CCDC92B: variants seen among roughly 807,000 people sequenced by gnomAD.
CCDC92B encodes the protein coiled-coil domain-containing 92B.
In CCDC92B, 2 loss-of-function variants were observed where a neutral mutation model predicts 5.6. The ratio of observed to expected loss-of-function variants is 0.36; its 90% CI spans 0.15 to 1.12. The LOEUF (loss-of-function observed/expected upper bound fraction) is 1.12. CCDC92B is among the 50% of genes most tolerant of loss of function. The pLI is 0.40. For synonymous variants in CCDC92B, 115 were observed against 122.3 expected (o/e 0.94, Z 0.39); for missense variants, 271 against 262.2 (o/e 1.03, Z -0.23).
At chr17:2,740,858 T>G (rs1357930060) in intron 1 of CCDC92B, among the ~76,000 whole-genome samples, 2 of 147,958 alleles carry the variant, frequency 1.4e-5, no homozygotes, top group African/African-American at 5.0e-5. Context: ...TCCCAGCTAC[T>G]GGGAGGCTGA....
At chr17:2,727,696 C>T (rs1484872133) in intron 3 of CCDC92B, among the ~76,000 whole-genome samples, 11 of 152,038 alleles carry the variant, frequency 7.2e-5, no homozygotes, top group South Asian at 2.1e-4. Context: ...TGGTGGTGTG[C>T]GCCTGTGATC....
intron 3 of CCDC92B, among the ~76,000 whole-genome samples, chr17:2,725,857 G>GTTAAGT (rs2070722439): frequency 1.3e-5 from 2 of 151,952 alleles, no homozygotes; most frequent in African/African-American, 2.4e-5. Context: ...GTGAAGACAG[G>GTTAAGT]AGAGAAGGAT....
intron 1 of CCDC92B, among the ~76,000 whole-genome samples, chr17:2,748,680 G>C (rs1191405644): frequency 1.3e-5 from 2 of 152,172 alleles, no homozygotes; most frequent in African/African-American, 4.8e-5. Flanking sequence ...GTCTTACTGG[G>C]AATCACCAGG....
chr17:2,730,957 G>A (rs2070788360), intron 2 of CCDC92B, among the ~76,000 whole-genome samples: 1 of 152,246 alleles, frequency 6.6e-6, no homozygotes, highest in Non-Finnish European at 1.5e-5. Flanking sequence ...CGGCACTGGA[G>A]GCAGGCTCGG....
At chr17:2,741,566 C>A (rs2070926708) in intron 1 of CCDC92B, among the ~76,000 whole-genome samples, 2 of 150,742 alleles carry the variant, frequency 1.3e-5, no homozygotes, top group South Asian at 4.2e-4. Flanking sequence ...GTAGTCCTAG[C>A]TACTTGGGAG....
chr17:2,723,875 C>T lies in CCDC92B; in HGVS notation c.*536G>A, dbSNP rs557612520. The T allele has an allele frequency of 8.1e-5, 69 of 855,662 alleles. No homozygotes were observed. In the East Asian group the frequency reaches 5.8e-3, roughly 72 times the overall value. The allele number at this position is 855,662 out of a possible 1,614,324, so 53.0% of individuals were successfully genotyped here. A position where few individuals can be genotyped will look rare whatever the true frequency, so the allele number is the denominator to read the frequency against. The stretch of plus-strand genomic sequence containing the variant: ...TCCGTGCTCACCTGCAAGGACCTAT[C>T]GGCAGGGTCAGGGTGGGGGTAGAAG... On this transcript the variant is annotated 3_prime_UTR_variant, in exon 4 of 4. Transcript: ENST00000614400.
chr17:2,726,172 A>G (rs1388050107), intron 3 of CCDC92B, among the ~76,000 whole-genome samples: 1 of 18,112 alleles, frequency 5.5e-5, no homozygotes, highest in Non-Finnish European at 3.9e-4. Context: ...ATTTTTGTAT[A>G]TATATATATA....
intron 1 of CCDC92B, among the ~76,000 whole-genome samples, chr17:2,743,510 A>G (rs1305955603): frequency 6.6e-6 from 1 of 152,168 alleles, no homozygotes; most frequent in Non-Finnish European, 1.5e-5. Flanking sequence ...GCTTTCCATC[A>G]CATTTAAAAC....
intron 3 of CCDC92B, among the ~76,000 whole-genome samples, chr17:2,728,589 C>T (rs1214810620): frequency 3.5e-5 from 5 of 144,638 alleles, no homozygotes; most frequent in South Asian, 2.2e-4. Flanking sequence ...GGCGACAGAG[C>T]GAGACTCCGT....
At chr17:2,730,351 C>T in intron 3 of CCDC92B, 95 bp downstream of exon 3, 1 of 675,650 alleles carries the variant, frequency 1.5e-6, no homozygotes, top group Non-Finnish European at 1.8e-6. Flanking sequence ...CAAGTCTAGG[C>T]TGGGGACAGA....
rs758421 is a variant in CCDC92B at position 2,723,598 on chromosome 17, A to C, written c.*813T>G. On this transcript the variant is annotated 3_prime_UTR_variant, in exon 4 of 4. Transcript: ENST00000614400. ...AAACGCCTGGGGCTGCCTCCTGAGA[A>C]GGAAGACAGCTCCTGCCTTCCAGAA... The C allele has an allele frequency of 0.92, 140,484 of 152,056 alleles. 65,919 individuals are homozygous for C. The highest frequency in any genetic ancestry group is 1 in the Non-Finnish European group (68,032 of 68,104). 9.4% of individuals were successfully genotyped at this position (152,056 alleles called of 1,614,324 possible). A position where few individuals can be genotyped will look rare whatever the true frequency, so the allele number is the denominator to read the frequency against.
intron 1 of CCDC92B, among the ~76,000 whole-genome samples, chr17:2,741,543 G>T (rs2070926383): frequency 6.6e-6 from 1 of 151,370 alleles, no homozygotes. Flanking sequence ...CCCAGGCGTT[G>T]AGGTGTCCAC....
intron 3 of CCDC92B, among the ~76,000 whole-genome samples, chr17:2,728,097 G>T (rs1159337929): frequency 6.6e-6 from 1 of 152,050 alleles, no homozygotes; most frequent in Non-Finnish European, 1.5e-5. Context: ...AGGCTGAGGG[G>T]GGCAAATTGC....
intron 1 of CCDC92B, among the ~76,000 whole-genome samples, chr17:2,739,087 G>A (rs2070891213): frequency 6.7e-6 from 1 of 150,068 alleles, no homozygotes; most frequent in South Asian, 2.1e-4. Flanking sequence ...AAATAAATAG[G>A]GCGGGCGCAA....
In CCDC92B at chr17:2,724,580, G is replaced by A; in HGVS notation, c.599C>T (p.Ala200Val). ...DWAAWDRGAG[A>V]LDDADPMPDP... ...GGGCATGGGGTCGGCGTCGTCGAGG[G>A]CGCCGGCCCCGCGGTCCCAGGCGGC... The change falls in exon 4 of 4, where the codon GCC (alanine) becomes GTC (valine). Residue 200 changes from alanine (A) to valine (V), a missense_variant. Physicochemically the swap from Ala to Val is moderately conservative, Grantham distance 64 (BLOSUM62 0). Coordinates refer to ENST00000614400, the MANE Select transcript of CCDC92B (RefSeq NM_001355573.2). The surrounding 1 kb of genome is among the most constrained non-coding windows in gnomAD (Gnocchi z 5.0). The A allele has an allele frequency of 1.0e-6, 1 of 981,936 alleles. No individual in the cohort carries two copies. Among genetic ancestry groups the A allele is most frequent in the Non-Finnish European group, 1.2e-6 (1 of 828,494 alleles). 60.8% of individuals were successfully genotyped at this position (981,936 alleles called of 1,614,324 possible).
intron 1 of CCDC92B, among the ~76,000 whole-genome samples, chr17:2,738,627 G>A (rs1340926377): frequency 6.6e-6 from 1 of 151,704 alleles, no homozygotes; most frequent in Non-Finnish European, 1.5e-5. Context: ...GGGTGTGGTG[G>A]CGGGCGCCTG....
In CCDC92B at chr17:2,727,786, T is replaced by C. The variant is rs140498787; in HGVS notation, c.178+2660A>G. The stretch of plus-strand genomic sequence containing the variant: ...TTGCAGTGAGCTGAGATCGCGCCAC[T>C]GCACTCCAGCCTGGGCGCCAGAGTG... On this transcript the variant is annotated intron_variant, in intron 3 of 3. Coordinates refer to ENST00000614400, the MANE Select transcript of CCDC92B (RefSeq NM_001355573.2). Among the ~76,000 whole-genome samples the C allele has an allele frequency of 2.3e-3, 341 of 148,644 alleles. 1 individual carries two copies. Among genetic ancestry groups the C allele is most frequent in the African/African-American group, 8.0e-3 (320 of 40,204 alleles).
intron 1 of CCDC92B, among the ~76,000 whole-genome samples, chr17:2,746,710 G>A (rs993772167): frequency 5.3e-5 from 8 of 152,158 alleles, no homozygotes; most frequent in African/African-American, 1.4e-4. Context: ...CTCCTCTGTC[G>A]CCCAGGCTGG....
At chr17:2,747,109 G>A (rs1277122050) in intron 1 of CCDC92B, among the ~76,000 whole-genome samples, 2 of 152,180 alleles carry the variant, frequency 1.3e-5, no homozygotes, top group African/African-American at 4.8e-5. Flanking sequence ...AAGCAGAGGA[G>A]GTCGCTGGAA....
Sources: allele counts gnomAD v4.1 joint callset (sites outside exome capture counted in the v4.1 genomes callset), GRCh38; gene constraint gnomAD v4.1.1; non-coding constraint Gnocchi (gnomAD v3.1); transcripts MANE v1.5; gene names NCBI Gene and HGNC (gene_info 2026-07-23, HGNC 2026-07-21).